CRLF1: variants seen among roughly 807,000 people sequenced by gnomAD.
CRLF1 encodes cytokine receptor like factor 1.
A neutral mutation model predicts 48.9 loss-of-function variants in CRLF1; 36 were observed. That is an observed-to-expected ratio of 0.74 (90% confidence interval 0.56 to 0.97). The LOEUF (loss-of-function observed/expected upper bound fraction) is 0.97, where lower values mean the gene tolerates loss of function less well. Ranked by LOEUF, CRLF1 falls within the 50% of genes least tolerant of loss-of-function variation. The probability of loss-of-function intolerance (pLI) is 0.00; values close to 1 mark genes in which losing one functional copy is unlikely to be tolerated. For missense variants in CRLF1, 534 were observed against 575.1 expected (o/e 0.93, Z 0.73); for synonymous variants, 256 against 253.4 (o/e 1.01, Z -0.10).
intron 4 of CRLF1, among the ~76,000 whole-genome samples, chr19:18,597,556 A>G (rs1441381414): frequency 6.7e-6 from 1 of 149,124 alleles, no homozygotes; most frequent in Admixed American, 6.7e-5. Flanking sequence ...CAGCCTCCCA[A>G]GTAGCTGGGA....
At chr19:18,595,430 G>A (rs1213511812) in intron 6 of CRLF1, among the ~76,000 whole-genome samples, 11 of 152,230 alleles carry the variant, frequency 7.2e-5, no homozygotes, top group African/African-American at 2.7e-4. Flanking sequence ...CCCTCTCTGG[G>A]CCTCAGTTTC....
rs540670793 is a variant in CRLF1, at chr19:18,606,197, C to T, written c.115+345G>A. ...CCGCCTGGGAGCGGTGCCCTGCAGTCCCAGGGGCCCAGAGTCCACCGAAGC... is the reference window on the plus strand; with the variant it reads ...CCGCCTGGGAGCGGTGCCCTGCAGTTCCAGGGGCCCAGAGTCCACCGAAGC... On this transcript the variant is annotated intron_variant, in intron 1 of 8. Transcript: ENST00000392386. This position sits in a 1 kb window ranked among gnomAD's most constrained non-coding sequence, Gnocchi z 4.8. 2.0e-5 allele frequency among the ~76,000 whole-genome samples: 3 copies of T among 151,836 alleles called. No homozygotes were observed. Among genetic ancestry groups the T allele is most frequent in the Non-Finnish European group, 4.4e-5 (3 of 67,812 alleles).
chr19:18,594,195 C>A lies in CRLF1; in HGVS notation c.1212+52G>T, dbSNP rs960133496. The A allele has an allele frequency of 5.0e-6, 8 of 1,597,948 alleles. No individual in the cohort carries two copies. In the African/African-American group the frequency reaches 6.7e-5, roughly 13 times the overall value. On this transcript the variant is annotated intron_variant, in intron 7 of 8. Transcript: ENST00000392386. ...TCTTCCCCCTCCCCTGTTTTCTGGG[C>A]CCCCCCAGCTCCCTGTCCCCACCCC...
chr19:18,603,868 G>A (rs12986293), intron 1 of CRLF1, among the ~76,000 whole-genome samples: 1 of 148,886 alleles, frequency 6.7e-6, no homozygotes, highest in African/African-American at 2.5e-5. Flanking sequence ...GCGGGCCAGA[G>A]CCGAGGAGGC....
Position 18,599,779 on chromosome 19 carries a change from T to C in CRLF1, c.183A>G (p.Ser61=). ...TGGCTCCTGGTGGGTCTCCGTGCAC[T>C]GAGCAGGTGGCCAGCAGGGAGGAGC... The part of the protein sequence containing the change: ...LIGSSLLATC[S]VHGDPPGATA... Residue 61 remains serine (S), a synonymous_variant, in exon 2 of 9, where the codon TCA becomes TCG. Transcript: ENST00000392386. 6.3e-7 allele frequency: 1 copy of C among 1,588,378 alleles called. No individual in the cohort carries two copies. Among genetic ancestry groups the C allele is most frequent in the Non-Finnish European group, 8.6e-7 (1 of 1,165,212 alleles).
At chr19:18,602,653 A>G (rs1294307447) in intron 1 of CRLF1, among the ~76,000 whole-genome samples, 1 of 152,072 alleles carries the variant, frequency 6.6e-6, no homozygotes, top group African/African-American at 2.4e-5. Flanking sequence ...AATTTATAAA[A>G]ACCAACAAAA....
chr19:18,600,323 C>T (rs1263624719), intron 1 of CRLF1, among the ~76,000 whole-genome samples: 5 of 151,832 alleles, frequency 3.3e-5, no homozygotes, highest in East Asian at 3.9e-4. Context: ...CTCAGCCTCC[C>T]GAGTAGCTGG....
rs752776622 is a variant in CRLF1, at chr19:18,598,748, C to T, written c.527+24G>A. The T allele has an allele frequency of 1.1e-5, 17 of 1,614,112 alleles. No individual in the cohort carries two copies. In the South Asian group the frequency reaches 1.8e-4, roughly 17 times the overall value. On this transcript the variant is annotated intron_variant, in intron 3 of 8. Coordinates refer to ENST00000392386, the MANE Select transcript of CRLF1 (RefSeq NM_004750.5). ...TCACGCAGCCAGCCTGGGACACACA[C>T]ATCGCCCTCAGGCCACCACCAACCT...
At chr19:18,604,043 G>C (rs1035315670) in intron 1 of CRLF1, among the ~76,000 whole-genome samples, 1 of 152,226 alleles carries the variant, frequency 6.6e-6, no homozygotes, top group African/African-American at 2.4e-5. Flanking sequence ...CCCCAACAGA[G>C]TGGGAGGCAC....
chr19:18,594,070 G>T lies in CRLF1; in HGVS notation c.1250C>A (p.Ala417Glu). Residue 417 changes from alanine to glutamate, a missense_variant, in exon 8 of 9, where the codon GCG becomes GAG. Transcript: ENST00000392386. ...CCCATTCAGGCCCACCTTACCTCTC[G>T]CCGTGCCCCGTCTGCCCGAGGGCAG... ...GILPSGRRGT[A>E]RGPAR 1 of 1,182,476 alleles carries T rather than the reference G, an allele frequency of 8.5e-7. No individual in the cohort carries two copies. Among genetic ancestry groups the T allele is most frequent in the Non-Finnish European group, 1.1e-6 (1 of 907,854 alleles). The allele number at this position is 1,182,476 out of a possible 1,614,324, so 73.2% of individuals were successfully genotyped here. A position where few individuals can be genotyped will look rare whatever the true frequency, so the allele number is the denominator to read the frequency against.
At chr19:18,603,429 G>A (rs897917751) in intron 1 of CRLF1, among the ~76,000 whole-genome samples, 4 of 152,220 alleles carry the variant, frequency 2.6e-5, no homozygotes, top group Admixed American at 2.0e-4. Flanking sequence ...CAAGGTCCTG[G>A]GGCAGAAGCG....
At chr19:18,603,686 C>A (rs1418205704) in intron 1 of CRLF1, among the ~76,000 whole-genome samples, 1 of 152,192 alleles carries the variant, frequency 6.6e-6, no homozygotes, top group African/African-American at 2.4e-5. Flanking sequence ...GCCCTCACTG[C>A]CCCAGATGGG....
intron 4 of CRLF1, among the ~76,000 whole-genome samples, chr19:18,597,683 C>T (rs986977365): frequency 1.3e-5 from 2 of 152,048 alleles, no homozygotes; most frequent in Admixed American, 1.3e-4. Flanking sequence ...CCGCCCGCCT[C>T]GGCCTCCCAA....
chr19:18,594,624 T>G (rs1976105949), intron 6 of CRLF1, among the ~76,000 whole-genome samples, 190 bp from the exon 7 acceptor site: 2 of 148,810 alleles, frequency 1.3e-5, no homozygotes, highest in African/African-American at 2.5e-5. Context: ...GCTGCGCCCC[T>G]GGGGAGGTGG....
intron 6 of CRLF1, among the ~76,000 whole-genome samples, chr19:18,595,068 G>T (rs1290982178): frequency 6.6e-6 from 1 of 152,230 alleles, no homozygotes; most frequent in African/African-American, 2.4e-5. Context: ...AGGGCCAGGT[G>T]GGAGGCCTGC....
chr19:18,600,237 C>T (rs774039251), intron 1 of CRLF1, among the ~76,000 whole-genome samples: 23 of 151,646 alleles, frequency 1.5e-4, no homozygotes, highest in Non-Finnish European at 2.1e-4. Context: ...CTCGCTCTGT[C>T]GCCCAGGCTG....
chr19:18,600,251 T>G (rs1477000795), intron 1 of CRLF1, among the ~76,000 whole-genome samples: 1 of 152,052 alleles, frequency 6.6e-6, no homozygotes, highest in East Asian at 1.9e-4. Context: ...CAGGCTGGAG[T>G]GCAGTGGCAC....
At chr19:18,594,030 G>GCGGGGGGGGCCCCCCC in intron 8 of CRLF1, 35 bp downstream of exon 8, 9 of 1,315,294 alleles carry the variant, frequency 6.8e-6, no homozygotes, top group Non-Finnish European at 9.5e-6. Flanking sequence ...CCCTCCCCTT[G>GCGGGGGGGGCCCCCCC]CTCCCTCCCG....
intron 1 of CRLF1, among the ~76,000 whole-genome samples, chr19:18,600,953 C>A (rs980125803): frequency 2.0e-5 from 3 of 152,064 alleles, no homozygotes; most frequent in African/African-American, 7.2e-5. Context: ...TACAGGTGTG[C>A]ACCACCACAC....
Sources: gnomAD v4.1 joint callset for allele counts (sites outside exome capture counted in the v4.1 genomes callset) on GRCh38, gnomAD v4.1.1 for gene constraint, Gnocchi (gnomAD v3.1) non-coding constraint, MANE v1.5 for transcripts, NCBI Gene and HGNC (gene_info 2026-07-23, HGNC 2026-07-21) for gene names.